Variants in ABCA8 observed in about 807,000 individuals in gnomAD.
The protein encoded by ABCA8 is ATP binding cassette subfamily A member 8, also known as ABC-type organic anion transporter ABCA8.
Under a neutral mutation model 192.3 loss-of-function variants are expected in ABCA8, and 177 were observed. The observed-to-expected ratio is 0.92, with a 90% CI of 0.81 to 1.04. ABCA8 has a LOEUF of 1.04. Among genes scored for constraint, ABCA8 ranks in the 50% least tolerant of loss-of-function variants. The pLI, the probability that ABCA8 is intolerant of heterozygous loss-of-function variation, is 0.00. For missense variants in ABCA8, 1,915 were observed against 1,904.8 expected (o/e 1.01, Z -0.10); for synonymous variants, 642 against 690.2 (o/e 0.93, Z 1.09).
chr17:68,951,836 A>G (rs2068576349), intron 1 of ABCA8, among the ~76,000 whole-genome samples: 1 of 152,218 alleles, frequency 6.6e-6, no homozygotes, highest in African/African-American at 2.4e-5. Context: ...TCAATGCATT[A>G]TGTTTAGAAA....
intron 5 of ABCA8, among the ~76,000 whole-genome samples, chr17:68,933,804 A>G (rs573040081): frequency 6.6e-6 from 1 of 152,316 alleles, no homozygotes; most frequent in South Asian, 2.1e-4. Context: ...TCCATTTAAT[A>G]GTAAACTATA....
At chr17:68,885,089 G>T in intron 27 of ABCA8, 107 bp downstream of exon 27, 1 of 1,287,836 alleles carries the variant, frequency 7.8e-7, no homozygotes, top group East Asian at 2.6e-5. Context: ...AGAAATCTTT[G>T]AACCCCATGC....
chr17:68,885,167 G>A, intron 27 of ABCA8, 29 bp downstream of exon 27: 6 of 1,598,320 alleles, frequency 3.8e-6, no homozygotes, highest in Non-Finnish European at 5.1e-6. Context: ...GAGTTTCAAG[G>A]GACTGGGACA....
Position 68,919,401 on chromosome 17 carries a change from C to A in ABCA8, c.1688G>T (p.Cys563Phe), listed in dbSNP as rs1360374652. ...GTCAAATTGCACATTGGATTGTGGA[C>A]AAACTCCGGTCAGCTTGCTGAGATT... ...LENLSKLTGV[C>F]PQSNVQFDFL... Residue 563 changes from cysteine (C) to phenylalanine (F), a missense_variant, in exon 14 of 40, where the codon TGT becomes TTT. Transcript: ENST00000586539. 3.7e-6 allele frequency: 6 copies of A among 1,614,018 alleles called. No individual in the cohort carries two copies. In the East Asian group the frequency reaches 1.3e-4, roughly 36 times the overall value.
At chr17:68,904,281 C>A (rs1567846529) in intron 19 of ABCA8, among the ~76,000 whole-genome samples, 4 of 139,036 alleles carry the variant, frequency 2.9e-5, no homozygotes, top group East Asian at 2.0e-4. Context: ...GACTCCATCT[C>A]AAAAAAAAGA....
chr17:68,895,832 A>G (rs966281080), intron 21 of ABCA8, among the ~76,000 whole-genome samples: 1 of 152,160 alleles, frequency 6.6e-6, no homozygotes, highest in African/African-American at 2.4e-5. Context: ...TCCTCCACCC[A>G]TTCCCTAATC....
rs570161780 is a variant in ABCA8 at position 68,918,255 on chromosome 17, A to G, written c.1909-70T>C. The G allele has an allele frequency of 1.8e-4, 293 of 1,585,024 alleles. 1 individual carries two copies. The South Asian group carries it at 3.1e-3, about 17-fold the overall frequency. Reference sequence around the variant, plus strand: ...AGTTCTTCCAGAAAACAACGCAAAAACCATATTGATTATATTTAACAGAGT... The same window carrying G: ...AGTTCTTCCAGAAAACAACGCAAAAGCCATATTGATTATATTTAACAGAGT... On this transcript the variant is annotated intron_variant, in intron 15 of 39. Transcript: ENST00000586539.
chr17:68,954,041 G>T (rs59830399), intron 1 of ABCA8, among the ~76,000 whole-genome samples: 2 of 149,780 alleles, frequency 1.3e-5, no homozygotes, highest in Admixed American at 6.6e-5. Context: ...TTTTTTTTTC[G>T]TTTTATTATT....
chr17:68,930,777 A>T (rs60049904), intron 7 of ABCA8, among the ~76,000 whole-genome samples: 11,039 of 152,180 alleles, frequency 0.073, 1,271 homozygotes, highest in African/African-American at 0.25. Context: ...ATTAATTCAA[A>T]CAAGAGGTCA....
chr17:68,924,292 G>C (rs901272941), intron 11 of ABCA8, among the ~76,000 whole-genome samples: 4 of 150,856 alleles, frequency 2.7e-5, no homozygotes, highest in African/African-American at 9.8e-5. Context: ...GTTGCAGTGA[G>C]CTGAGATTGC....
chr17:68,919,111 A>C (rs1187781854), intron 14 of ABCA8, among the ~76,000 whole-genome samples, 190 bp downstream of exon 14: 2 of 140,442 alleles, frequency 1.4e-5, no homozygotes, highest in Non-Finnish European at 2.9e-5. Flanking sequence ...ATGATTTATT[A>C]GATTTAAAGT....
Position 68,881,853 on chromosome 17 carries a change from T to C in ABCA8, c.3946+10A>G, listed in dbSNP as rs761139503. The C allele has an allele frequency of 8.7e-6, 14 of 1,607,840 alleles. No individual in the cohort carries two copies. In the African/African-American group the frequency reaches 1.6e-4, roughly 18 times the overall value. ...CTCTGAGCCAGAAGTGGAAGATCCC[T>C]ATGGCCAACCTTTTCTAACACAGAA... On this transcript the variant is annotated intron_variant, in intron 31 of 39. Transcript: ENST00000586539.
chr17:68,935,540 CTATATA>C (rs6146128), intron 5 of ABCA8, among the ~76,000 whole-genome samples: 40 of 87,290 alleles, frequency 4.6e-4, no homozygotes, highest in South Asian at 9.6e-4. Context: ...AGTAGTATTC[CTATATA>C]TATATATATA....
intron 29 of ABCA8, among the ~76,000 whole-genome samples, chr17:68,882,987 C>A (rs181520196): frequency 6.6e-6 from 1 of 152,166 alleles, no homozygotes; most frequent in Admixed American, 6.5e-5. Context: ...CTGGCTTTGA[C>A]ACCACCATGT....
chr17:68,936,888 C>T, intron 5 of ABCA8, 63 bp downstream of exon 5: 1 of 1,407,642 alleles, frequency 7.1e-7, no homozygotes, highest in South Asian at 1.5e-5. Flanking sequence ...ACCTCTATTC[C>T]CACACATGAC....
intron 20 of ABCA8, 84 bp downstream of exon 20, chr17:68,903,217 G>T: frequency 1.4e-6 from 2 of 1,424,824 alleles, no homozygotes; most frequent in Non-Finnish European, 1.9e-6. Flanking sequence ...ATATCTTTGT[G>T]TTTTTTTGCT....
At chr17:68,875,024 T>C (rs964539930) in intron 37 of ABCA8, among the ~76,000 whole-genome samples, 3 of 152,202 alleles carry the variant, frequency 2.0e-5, no homozygotes, top group Non-Finnish European at 4.4e-5. Context: ...GTGAAAAGTC[T>C]CTGTAAGTTT....
intron 21 of ABCA8, among the ~76,000 whole-genome samples, chr17:68,899,319 CTATATACTGTTTATAGGAGACACA>C (rs1465752349): frequency 1.3e-5 from 2 of 151,918 alleles, no homozygotes; most frequent in African/African-American, 4.8e-5. Context: ...CACTATCCAA[CTATATACTGTTTATAGGAGACACA>C]TATCAAATTA....
chr17:68,871,548 TG>T (rs1230475374), intron 37 of ABCA8, among the ~76,000 whole-genome samples: 4 of 152,214 alleles, frequency 2.6e-5, no homozygotes, highest in Non-Finnish European at 2.9e-5. Context: ...ATATCTTCTT[TG>T]GAGAAATGTC....
Sources: gnomAD v4.1 joint callset for allele counts (sites outside exome capture counted in the v4.1 genomes callset) on GRCh38, gnomAD v4.1.1 for gene constraint, MANE v1.5 for transcripts, NCBI Gene and HGNC (gene_info 2026-07-23, HGNC 2026-07-21) for gene names.